The following BTLA variants were observed in gnomAD, a reference collection of about 807,000 sequenced individuals.
BTLA encodes B- and T-lymphocyte attenuator.
In BTLA, 11 loss-of-function variants were observed where a neutral mutation model predicts 25.0. The observed-to-expected ratio is 0.44, with a 90% CI of 0.28 to 0.73. The LOEUF (loss-of-function observed/expected upper bound fraction) is 0.73. Ranked by LOEUF, BTLA falls within the 30% of genes least tolerant of loss-of-function variation. The probability of loss-of-function intolerance (pLI) is 0.15; values close to 1 mark genes in which losing one functional copy is unlikely to be tolerated. For synonymous variants in BTLA, 104 were observed against 119.8 expected, an observed-to-expected ratio of 0.87 and a Z score of 0.86; for missense variants, 282 against 332.8, an observed-to-expected ratio of 0.85 and a Z score of 1.19.
intron 1 of BTLA, among the ~76,000 whole-genome samples, chr3:112,484,266 G>A (rs994101831): frequency 6.6e-6 from 1 of 152,156 alleles, no homozygotes; most frequent in African/African-American, 2.4e-5. Context: ...AATGGAATAA[G>A]CATTAGGCAG....
chr3:112,472,515 G>A (rs2082268241), intron 2 of BTLA, among the ~76,000 whole-genome samples: 1 of 151,942 alleles, frequency 6.6e-6, no homozygotes, highest in East Asian at 1.9e-4. Flanking sequence ...TGGCCAAAAT[G>A]GTGAAACCCC....
At chr3:112,498,402 C>T (rs2082421930) in intron 1 of BTLA, among the ~76,000 whole-genome samples, 1 of 151,844 alleles carries the variant, frequency 6.6e-6, no homozygotes, top group Non-Finnish European at 1.5e-5. Context: ...CATTGCACTC[C>T]AGCCTGGGTG....
chr3:112,469,214 G>A (rs1257155311), intron 4 of BTLA, among the ~76,000 whole-genome samples: 2 of 152,062 alleles, frequency 1.3e-5, no homozygotes, highest in Non-Finnish European at 2.9e-5. Context: ...TAGTCTGAGT[G>A]GTCCCTTCCT....
chr3:112,474,688 G>T (rs1173602768), intron 2 of BTLA, among the ~76,000 whole-genome samples: 1 of 152,146 alleles, frequency 6.6e-6, no homozygotes, highest in African/African-American at 2.4e-5. Context: ...ATCATGAAAA[G>T]CTTCCTTAAG....
intron 1 of BTLA, among the ~76,000 whole-genome samples, chr3:112,489,651 G>A (rs2082369019): frequency 6.6e-6 from 1 of 152,056 alleles, no homozygotes; most frequent in African/African-American, 2.4e-5. Flanking sequence ...GATTACTAAC[G>A]GTATAATAAA....
At chr3:112,475,792 ATATAT>A (rs770891153) in intron 2 of BTLA, among the ~76,000 whole-genome samples, 2 of 152,030 alleles carry the variant, frequency 1.3e-5, no homozygotes, top group South Asian at 2.1e-4. Flanking sequence ...CATTATGTTA[ATATAT>A]TATATAAATT....
chr3:112,499,406 G>A lies in BTLA; in HGVS notation c.-48C>T. The A allele has an allele frequency of 3.2e-6, 5 of 1,560,374 alleles. No individual in the cohort carries two copies. The highest frequency in any genetic ancestry group is 4.4e-6 in the Non-Finnish European group (5 of 1,137,968). On this transcript the variant is annotated 5_prime_UTR_variant, in exon 1 of 5. Coordinates refer to ENST00000334529, the MANE Select transcript of BTLA (RefSeq NM_181780.4). ...AAAAACTGCTCAAGTAGAAGGCTTT[G>A]CTTCGTCTTCTGAGTGCTGCAGAGT...
intron 4 of BTLA, among the ~76,000 whole-genome samples, chr3:112,467,829 C>G (rs1306436661): frequency 6.6e-6 from 1 of 152,220 alleles, no homozygotes; most frequent in Non-Finnish European, 1.5e-5. Flanking sequence ...AGAAGACTGT[C>G]AAGTGAACTG....
chr3:112,475,134 GGAAACACATCACA>G (rs1265072642), intron 2 of BTLA, among the ~76,000 whole-genome samples: 1 of 152,140 alleles, frequency 6.6e-6, no homozygotes, highest in Non-Finnish European at 1.5e-5. Flanking sequence ...AGCAATTGGA[GGAAACACATCACA>G]GAGTGGAATG....
intron 1 of BTLA, among the ~76,000 whole-genome samples, chr3:112,497,378 T>A (rs752524416): frequency 1.3e-5 from 2 of 152,152 alleles, no homozygotes; most frequent in African/African-American, 2.4e-5. Context: ...ATCAATGCCA[T>A]ACAGTAAGTG....
chr3:112,484,632 C>T (rs2107327062), intron 1 of BTLA, among the ~76,000 whole-genome samples: 1 of 152,318 alleles, frequency 6.6e-6, no homozygotes, highest in East Asian at 1.9e-4. Flanking sequence ...AGCCATAGGG[C>T]TATCACTTGA....
chr3:112,471,079 C>G, intron 3 of BTLA, 133 bp downstream of exon 3: 1 of 1,232,990 alleles, frequency 8.1e-7, no homozygotes, highest in East Asian at 2.6e-5. Flanking sequence ...GAGTTGTCTT[C>G]TAGGAAATCA....
chr3:112,498,568 C>CTTTT (rs34606026), intron 1 of BTLA, among the ~76,000 whole-genome samples: 1,073 of 83,846 alleles, frequency 0.013, 73 homozygotes, highest in African/African-American at 0.044. Context: ...AAGAAATTGC[C>CTTTT]TTTTTTTTTT....
chr3:112,480,615 G>T (rs1007679327), intron 1 of BTLA, among the ~76,000 whole-genome samples: 1 of 152,084 alleles, frequency 6.6e-6, no homozygotes, highest in Non-Finnish European at 1.5e-5. Flanking sequence ...GAAAAATGGG[G>T]GCCAAAATTT....
intron 2 of BTLA, among the ~76,000 whole-genome samples, chr3:112,478,181 T>C (rs2082299254): frequency 6.6e-6 from 1 of 152,116 alleles, no homozygotes; most frequent in African/African-American, 2.4e-5. Flanking sequence ...GTTAGGATTT[T>C]AGTGGAACTG....
At chr3:112,470,278 T>G (rs750777201) in intron 3 of BTLA, 1 of 152,400 alleles carries the variant, frequency 6.6e-6, no homozygotes, top group Non-Finnish European at 1.5e-5. Flanking sequence ...GAAAGAGCCA[T>G]GGAGTTGCAG....
intron 1 of BTLA, among the ~76,000 whole-genome samples, chr3:112,488,457 C>A (rs1038149968): frequency 2.0e-5 from 3 of 152,050 alleles, no homozygotes; most frequent in Non-Finnish European, 4.4e-5. Context: ...CTCCTGACCT[C>A]GTGATCCGCC....
At chr3:112,467,079 TC>T (rs1432966562) in intron 4 of BTLA, among the ~76,000 whole-genome samples, 1 of 151,856 alleles carries the variant, frequency 6.6e-6, no homozygotes, top group Non-Finnish European at 1.5e-5. Flanking sequence ...TGCCTCAGCC[TC>T]CCGAGTAGCT....
In BTLA at chr3:112,466,262, C is replaced by T; in HGVS notation, c.716G>A (p.Gly239Glu). The T allele has an allele frequency of 6.2e-7, 1 of 1,613,998 alleles. No individual in the cohort carries two copies. The highest frequency in any genetic ancestry group is 8.5e-7 in the Non-Finnish European group (1 of 1,179,982). ...GCATGGATTAGAATAAACTTCAGACCCTTCCTGCATCCTGAAACAAAGGTC... is the reference window on the plus strand; with the variant it reads ...GCATGGATTAGAATAAACTTCAGACTCTTCCTGCATCCTGAAACAAAGGTC... The part of the protein sequence containing the change: ...DPDLCFRMQE[G>E]SEVYSNPCLE... Residue 239 changes from glycine (G) to glutamate (E), a missense_variant, in exon 5 of 5, where the codon GGG becomes GAG. By Grantham distance (98) the Gly-to-Glu change is moderately conservative. Around this residue, in one of 2 missense-constraint regions of BTLA, gnomAD observed 119 missense variants for 102.3 expected, o/e 1.16. Transcript: ENST00000334529.
Sources: allele counts gnomAD v4.1 joint callset (sites outside exome capture counted in the v4.1 genomes callset), GRCh38; gene constraint gnomAD v4.1.1; regional missense constraint gnomAD v4.1.1; transcripts MANE v1.5; gene names NCBI Gene and HGNC (gene_info 2026-07-23, HGNC 2026-07-21).